Variants in IL10RB observed in about 807,000 individuals in gnomAD.
The protein encoded by IL10RB is interleukin-10 receptor subunit beta.
IL10RB carries 30 observed loss-of-function variants against 38.7 expected under a neutral mutation model. The ratio of observed to expected loss-of-function variants is 0.78; its 90% CI spans 0.58 to 1.05. IL10RB has a LOEUF of 1.05. IL10RB is among the 50% of genes least tolerant of loss of function. The probability of loss-of-function intolerance (pLI) is 0.00; values close to 1 mark genes in which losing one functional copy is unlikely to be tolerated. For missense variants in IL10RB, 328 were observed against 397.1 expected, an observed-to-expected ratio of 0.83 and a Z score of 1.48; for synonymous variants, 142 against 145.9, an observed-to-expected ratio of 0.97 and a Z score of 0.19.
chr21:33,267,512 T>C (rs1355884258), intron 1 of IL10RB, among the ~76,000 whole-genome samples: 2 of 84,670 alleles, frequency 2.4e-5, no homozygotes, highest in Non-Finnish European at 5.9e-5. Flanking sequence ...GTTTTTTTGT[T>C]TTTTTGTTTT....
chr21:33,281,282 C>G (rs1023409366), intron 4 of IL10RB, among the ~76,000 whole-genome samples: 4 of 152,202 alleles, frequency 2.6e-5, no homozygotes, highest in Non-Finnish European at 5.9e-5. Flanking sequence ...CTGCTAAGCC[C>G]TGGGGTATAA....
rs745466395 is a variant in IL10RB, at chr21:33,268,352, T to C, written c.50-42T>C. ...GTGGGCTTTTTCATGGGCATCTGTT[T>C]TGAGGAGAAAAGTTGTAAATGTTTT... On this transcript the variant is annotated intron_variant, in intron 1 of 6. Transcript: ENST00000290200. 20 of 1,613,682 alleles carry C rather than the reference T, an allele frequency of 1.2e-5. No individual in the cohort carries two copies. The South Asian group carries it at 2.2e-4, about 18-fold the overall frequency.
intron 2 of IL10RB, among the ~76,000 whole-genome samples, chr21:33,270,481 C>T (rs1989056039): frequency 6.6e-6 from 1 of 151,126 alleles, no homozygotes; most frequent in African/African-American, 2.4e-5. Context: ...CCCGGGTTCA[C>T]GCCATTCTCC....
intron 1 of IL10RB, chr21:33,308,429 T>C (rs2083004033): frequency 6.6e-6 from 1 of 152,226 alleles, no homozygotes; most frequent in Admixed American, 6.5e-5. Flanking sequence ...TTGTTATATC[T>C]GAAAAGCATG....
chr21:33,282,142 C>T (rs546055409), intron 4 of IL10RB, among the ~76,000 whole-genome samples: 1 of 152,098 alleles, frequency 6.6e-6, no homozygotes, highest in African/African-American at 2.4e-5. Flanking sequence ...TCATATATTC[C>T]ATAAGTCTAA....
chr21:33,276,516 C>T (rs778236682), intron 2 of IL10RB, 80 bp from the exon 3 acceptor site: 13 of 1,144,040 alleles, frequency 1.1e-5, no homozygotes, highest in South Asian at 7.4e-5. Context: ...GCCGCCCCCC[C>T]CTCCAAATTA....
chr21:33,304,834 T>C (rs957595198), intron 1 of IL10RB, among the ~76,000 whole-genome samples: 1 of 152,252 alleles, frequency 6.6e-6, no homozygotes, highest in Non-Finnish European at 1.5e-5. Context: ...ATGGCTTTTA[T>C]TGGTGGCATC....
intron 6 of IL10RB, 62 bp downstream of exon 6, chr21:33,288,323 A>T (rs75105319): frequency 1.4e-6 from 2 of 1,463,016 alleles, no homozygotes; most frequent in Non-Finnish European, 1.9e-6. Flanking sequence ...TTTCCTTTCT[A>T]GTTAGGGCTG....
intron 6 of IL10RB, among the ~76,000 whole-genome samples, chr21:33,290,039 G>A (rs777244094): frequency 3.9e-5 from 6 of 152,106 alleles, no homozygotes; most frequent in Admixed American, 1.3e-4. Flanking sequence ...GCGTGAACCC[G>A]GGAGGCGGAG....
intron 2 of IL10RB, among the ~76,000 whole-genome samples, chr21:33,274,382 C>T (rs1487145253): frequency 6.6e-6 from 1 of 152,046 alleles, no homozygotes; most frequent in Non-Finnish European, 1.5e-5. Context: ...CCATGTTGGC[C>T]AGGCTGGTCT....
chr21:33,304,261 G>C (rs566814583), intron 1 of IL10RB, among the ~76,000 whole-genome samples: 2 of 152,338 alleles, frequency 1.3e-5, no homozygotes, highest in East Asian at 3.9e-4. Flanking sequence ...TCTGTTTCTA[G>C]TTTCCACAGC....
chr21:33,269,651 A>ATTTT (rs529634707), intron 2 of IL10RB, among the ~76,000 whole-genome samples: 29 of 137,304 alleles, frequency 2.1e-4, no homozygotes, highest in Non-Finnish European at 2.7e-4. Context: ...AGATTCACCA[A>ATTTT]TTTTTTTTTT....
chr21:33,268,237 G>A, intron 1 of IL10RB, 157 bp from the exon 2 acceptor site: 1 of 1,535,032 alleles, frequency 6.5e-7, no homozygotes, highest in Middle Eastern at 1.8e-4. Flanking sequence ...AGAAAATCTA[G>A]ACTCCTCAGC....
chr21:33,268,382 T>G lies in IL10RB; in HGVS notation c.50-12T>G. On this transcript the variant is annotated splice_polypyrimidine_tract_variant and intron_variant, in intron 1 of 6. Transcript: ENST00000290200. Reference sequence around the variant, plus strand: ...GAGAAAAGTTGTAAATGTTTTTGTCTTATTTTCATAGCATTGGGAATGGTA... The same window carrying G: ...GAGAAAAGTTGTAAATGTTTTTGTCGTATTTTCATAGCATTGGGAATGGTA... 1 of 1,614,218 alleles carries G rather than the reference T, an allele frequency of 6.2e-7. No homozygotes were observed. The highest frequency in any genetic ancestry group is 1.1e-5 in the South Asian group (1 of 91,086).
chr21:33,299,901 T>C (rs999221721), downstream of IL10RB, among the ~76,000 whole-genome samples: 2 of 152,198 alleles, frequency 1.3e-5, no homozygotes, highest in African/African-American at 4.8e-5. Flanking sequence ...TTTCTTTTAA[T>C]ACCCAGCTAA....
Position 33,296,338 on chromosome 21 carries a change from GGC to G in IL10RB, c.960_961del (p.Gln321GlyfsTer60), listed in dbSNP as rs776039316. 5.9e-5 allele frequency: 95 copies of G among 1,613,810 alleles called. 3 individuals are homozygous for G. The South Asian group carries it at 1.0e-3, about 17-fold the overall frequency. On this transcript the variant is annotated frameshift_variant, in exon 7 of 7. Transcript: ENST00000290200. LOFTEE classifies it high-confidence loss of function. ...AGCTGCAGCCTCGGGACCCCGCCTG[GGC>G]AGGGGCCCCAAAGCTAGGCTCTGAG... is the stretch of plus-strand genomic sequence containing the variant.
chr21:33,302,704 T>G (rs1471502252), intron 1 of IL10RB, among the ~76,000 whole-genome samples: 1 of 152,086 alleles, frequency 6.6e-6, no homozygotes, highest in Admixed American at 6.5e-5. Context: ...GGACGGCTTT[T>G]GGGCTCAGAA....
At chr21:33,279,977 T>A (rs1290582563) in intron 4 of IL10RB, 59 bp downstream of exon 4, 6 of 1,500,684 alleles carry the variant, frequency 4.0e-6, no homozygotes. Flanking sequence ...TGCAGAATCT[T>A]GCAAGGTGGC....
Position 33,283,075 on chromosome 21 carries a change from T to C in IL10RB, c.499-19T>C. 1 of 1,605,580 alleles carries C rather than the reference T, an allele frequency of 6.2e-7. No homozygotes were observed. Reference sequence around the variant, plus strand: ...CTTCCACTGCTTAGTCATGTTCTTATTTTTGTCTCCATTACTAGTTTCAAA... The same window carrying C: ...CTTCCACTGCTTAGTCATGTTCTTACTTTTGTCTCCATTACTAGTTTCAAA... On this transcript the variant is annotated intron_variant, in intron 4 of 6. Coordinates refer to ENST00000290200, the MANE Select transcript of IL10RB (RefSeq NM_000628.5).
Sources: gnomAD v4.1 joint callset for allele counts (sites outside exome capture counted in the v4.1 genomes callset) on GRCh38, gnomAD v4.1.1 for gene constraint, MANE v1.5 for transcripts, NCBI Gene and HGNC (gene_info 2026-07-23, HGNC 2026-07-21) for gene names.